Variants in WWOX observed in about 807,000 individuals in gnomAD.
WWOX encodes the protein WW domain-containing oxidoreductase.
A neutral mutation model predicts 46.2 loss-of-function variants in WWOX; 69 were observed. The ratio of observed to expected loss-of-function variants is 1.49; its 90% confidence interval spans 1.23 to 1.82. The LOEUF (loss-of-function observed/expected upper bound fraction) is 1.82. Ranked by LOEUF, WWOX falls within the 40% of genes most tolerant of loss-of-function variation. The pLI is 0.00. For synonymous variants in WWOX, 359 were observed against 202.6 expected, an observed-to-expected ratio of 1.77 and a Z score of -6.56; for missense variants, 919 against 542.6, an observed-to-expected ratio of 1.69 and a Z score of -6.89.
At chr16:78,455,344 A>C (rs1405113756) in intron 8 of WWOX, among the ~76,000 whole-genome samples, 1 of 152,096 alleles carries the variant, frequency 6.6e-6, no homozygotes, top group Admixed American at 6.6e-5. Context: ...CTAATCTAAT[A>C]TTTTAAAAAA....
At chr16:79,001,668 C>CA (rs2151363132) in intron 8 of WWOX, among the ~76,000 whole-genome samples, 1 of 148,792 alleles carries the variant, frequency 6.7e-6, no homozygotes, top group South Asian at 2.1e-4. Context: ...GAGCTGGTGG[C>CA]AGGGGGAGAG....
chr16:78,666,316 G>T (rs2047332277), intron 8 of WWOX, among the ~76,000 whole-genome samples: 1 of 151,962 alleles, frequency 6.6e-6, no homozygotes, highest in Non-Finnish European at 1.5e-5. Context: ...AAATTAAAAA[G>T]ACACTGAGAT....
At chr16:78,782,596 T>C (rs1033306824) in intron 8 of WWOX, among the ~76,000 whole-genome samples, 1 of 152,128 alleles carries the variant, frequency 6.6e-6, no homozygotes, top group Non-Finnish European at 1.5e-5. Flanking sequence ...ATTCCATCTT[T>C]ATTCTCCTCC....
intron 8 of WWOX, among the ~76,000 whole-genome samples, chr16:78,502,466 T>G (rs1479514275): frequency 6.6e-6 from 1 of 152,350 alleles, no homozygotes; most frequent in East Asian, 1.9e-4. Context: ...GGTTTCTTCC[T>G]CTTAGCATCA....
rs1179112778 is a variant in WWOX at position 78,825,811 on chromosome 16, G to C, written c.1057-385797G>C. ...TTGTGTGCCATGTGCTGCTCAGATA[G>C]GGTTTTCTGGGCATCAAGGTGAAGG... On this transcript the variant is annotated intron_variant, in intron 8 of 8. Transcript: ENST00000566780. The C allele has an allele frequency of 1.0e-5, 6 of 593,596 alleles. No homozygotes were observed. In the East Asian group the frequency reaches 1.5e-4, roughly 15 times the overall value. The allele number at this position is 593,596 out of a possible 1,614,324, so 36.8% of individuals were successfully genotyped here.
At chr16:78,310,955 G>C (rs1306287112) in intron 5 of WWOX, among the ~76,000 whole-genome samples, 1 of 152,196 alleles carries the variant, frequency 6.6e-6, no homozygotes, top group Non-Finnish European at 1.5e-5. Context: ...GGAAGCCCCA[G>C]AGAAATAGAC....
intron 8 of WWOX, among the ~76,000 whole-genome samples, chr16:79,175,759 A>T (rs1227406423): frequency 1.3e-5 from 2 of 152,134 alleles, no homozygotes; most frequent in Non-Finnish European, 2.9e-5. Flanking sequence ...TACTCATACG[A>T]CTTACACATT....
intron 8 of WWOX, among the ~76,000 whole-genome samples, chr16:79,126,373 C>T (rs182185347): frequency 2.4e-4 from 36 of 152,254 alleles, no homozygotes; most frequent in African/African-American, 8.7e-4. Context: ...CCCCACGTGT[C>T]AAAGGAGGGA....
intron 8 of WWOX, among the ~76,000 whole-genome samples, chr16:79,151,575 C>G (rs900608178): frequency 6.6e-6 from 1 of 152,216 alleles, no homozygotes; most frequent in African/African-American, 2.4e-5. Flanking sequence ...GGCGACAGAG[C>G]TGAGACCTCA....
chr16:78,110,776 A>G (rs2032446030), intron 3 of WWOX, among the ~76,000 whole-genome samples: 1 of 152,160 alleles, frequency 6.6e-6, no homozygotes, highest in African/African-American at 2.4e-5. Context: ...TCCCTAGCTT[A>G]CTGCCAGTGA....
At chr16:78,312,909 G>C (rs767771987) in intron 5 of WWOX, among the ~76,000 whole-genome samples, 10 of 152,190 alleles carry the variant, frequency 6.6e-5, no homozygotes, top group African/African-American at 2.4e-4. Context: ...CTATGGGCAT[G>C]TGCTGTGTGC....
chr16:78,896,529 C>G (rs1308811148), intron 8 of WWOX: 1 of 152,148 alleles, frequency 6.6e-6, no homozygotes, highest in African/African-American at 2.4e-5. Context: ...TGCATAAGGT[C>G]ACATAGCTAA....
chr16:78,122,699 G>C (rs1292443552), intron 4 of WWOX, among the ~76,000 whole-genome samples: 1 of 151,826 alleles, frequency 6.6e-6, no homozygotes, highest in Admixed American at 6.6e-5. Flanking sequence ...CCGCCTCCCG[G>C]GTTGAAGTGA....
intron 5 of WWOX, among the ~76,000 whole-genome samples, chr16:78,272,436 A>C (rs747774572): frequency 5.3e-5 from 8 of 152,194 alleles, no homozygotes; most frequent in Non-Finnish European, 1.0e-4. Context: ...GGAAGCTGCC[A>C]GTTTCTTATG....
Position 78,662,024 on chromosome 16 carries a change from A to G in WWOX, c.1056+229272A>G, listed in dbSNP as rs977520571. ...GTGCCACTGCACTCCAGCCTGGATG[A>G]TAGAGCGAGACCATGTCTCAAAATA... On this transcript the variant is annotated intron_variant, in intron 8 of 8. Coordinates refer to ENST00000566780, the MANE Select transcript of WWOX (RefSeq NM_016373.4). 3.3e-5 allele frequency among the ~76,000 whole-genome samples: 5 copies of G among 152,328 alleles called. 1 individual carries two copies. The East Asian group carries it at 7.7e-4, about 24-fold the overall frequency.
intron 8 of WWOX, among the ~76,000 whole-genome samples, chr16:78,810,898 C>G (rs1312385534): frequency 1.3e-5 from 2 of 152,188 alleles, no homozygotes; most frequent in African/African-American, 2.4e-5. Flanking sequence ...GACAGTAATG[C>G]TGTGTGGACT....
chr16:78,860,913 C>G (rs1239111219), intron 8 of WWOX, among the ~76,000 whole-genome samples: 1 of 152,108 alleles, frequency 6.6e-6, no homozygotes, highest in Non-Finnish European at 1.5e-5. Flanking sequence ...CCTCCCAGGC[C>G]CAGGTGATCC....
At chr16:78,977,512 A>G (rs965991446) in intron 8 of WWOX, among the ~76,000 whole-genome samples, 1 of 152,054 alleles carries the variant, frequency 6.6e-6, no homozygotes, top group Non-Finnish European at 1.5e-5. Flanking sequence ...GAATCCCACC[A>G]TAGACGCCCT....
intron 8 of WWOX, among the ~76,000 whole-genome samples, chr16:79,017,809 A>T (rs898206759): frequency 6.6e-6 from 1 of 152,202 alleles, no homozygotes; most frequent in African/African-American, 2.4e-5. Flanking sequence ...AACAAATTAC[A>T]GATTATCCAG....
Sources: allele counts gnomAD v4.1 joint callset (sites outside exome capture counted in the v4.1 genomes callset), GRCh38; gene constraint gnomAD v4.1.1; transcripts MANE v1.5; gene names NCBI Gene and HGNC (gene_info 2026-07-23, HGNC 2026-07-21).